The following TRDN variants were observed in gnomAD, a reference collection of about 807,000 sequenced individuals.
The protein encoded by TRDN is triadin in skeletal muscle.
A neutral mutation model predicts 149.7 loss-of-function variants in TRDN; 161 were observed. The observed-to-expected ratio is 1.08, with a 90% CI of 0.95 to 1.23. TRDN has a LOEUF of 1.23. Among genes scored for constraint, TRDN ranks in the 50% most tolerant of loss-of-function variants. The probability of loss-of-function intolerance (pLI) is 0.00; values close to 1 mark genes in which losing one functional copy is unlikely to be tolerated. For missense variants in TRDN, 896 were observed against 823.5 expected (o/e 1.09, Z -1.08); for synonymous variants, 294 against 250.5 (o/e 1.17, Z -1.64).
chr6:123,379,321 C>T (rs1048194927), intron 16 of TRDN, among the ~76,000 whole-genome samples: 1 of 152,066 alleles, frequency 6.6e-6, no homozygotes, highest in Non-Finnish European at 1.5e-5. Context: ...AGCCTTTAAG[C>T]AGCAAAACAA....
chr6:123,383,236 G>A (rs533649935), intron 14 of TRDN, among the ~76,000 whole-genome samples: 1 of 152,142 alleles, frequency 6.6e-6, no homozygotes, highest in South Asian at 2.1e-4. Flanking sequence ...ACAAAAGGCA[G>A]TTAGATGGTC....
chr6:123,352,813 ATC>A (rs1406372178), intron 20 of TRDN, among the ~76,000 whole-genome samples: 3 of 151,944 alleles, frequency 2.0e-5, no homozygotes, highest in African/African-American at 7.2e-5. Flanking sequence ...CTACAATTGT[ATC>A]TGTTTTATTC....
intron 1 of TRDN, among the ~76,000 whole-genome samples, chr6:123,628,002 T>A (rs898649548): frequency 6.6e-6 from 1 of 152,194 alleles, no homozygotes; most frequent in Non-Finnish European, 1.5e-5. Context: ...GCTGGTTGGA[T>A]CTTCTATCCA....
At chr6:123,287,434 T>C (rs545941888) in intron 24 of TRDN, among the ~76,000 whole-genome samples, 1 of 152,288 alleles carries the variant, frequency 6.6e-6, no homozygotes, top group African/African-American at 2.4e-5. Flanking sequence ...AAATTTAATC[T>C]TCCAGGTGTA....
chr6:123,467,087 A>G (rs4571590), intron 9 of TRDN, among the ~76,000 whole-genome samples: 135,434 of 152,088 alleles, frequency 0.89, 60,591 homozygotes, highest in East Asian at 1. Flanking sequence ...TACCAGCACC[A>G]AAGAATTATT....
intron 1 of TRDN, among the ~76,000 whole-genome samples, chr6:123,594,633 T>TA (rs1562414613): frequency 6.6e-6 from 1 of 151,746 alleles, no homozygotes. Context: ...AAATTCTGGT[T>TA]ATGTTTGTTA....
At chr6:123,340,632 T>A (rs750203190) in intron 21 of TRDN, among the ~76,000 whole-genome samples, 2 of 152,016 alleles carry the variant, frequency 1.3e-5, no homozygotes, top group Admixed American at 1.3e-4. Context: ...TCAAAAACTC[T>A]CTCTCTCTTT....
In TRDN at chr6:123,448,152, C is replaced by A. The variant is rs78812152; in HGVS notation, c.932-9149G>T. Among the ~76,000 whole-genome samples the A allele has an allele frequency of 3.4e-3, 517 of 152,210 alleles. 23 individuals are homozygous for A. The East Asian group carries it at 0.092, about 27-fold the overall frequency. On this transcript the variant is annotated intron_variant, in intron 10 of 40. Transcript: ENST00000334268. The stretch of plus-strand genomic sequence containing the variant: ...CACAGGGATTCATCAGGAGGGTGGT[C>A]AGAAGAGCAGGGGGTAAAACCACAG...
intron 1 of TRDN, among the ~76,000 whole-genome samples, chr6:123,588,185 G>C (rs535259009): frequency 1.3e-5 from 2 of 152,164 alleles, no homozygotes; most frequent in Non-Finnish European, 2.9e-5. Context: ...TAGATTTTCC[G>C]CAAGAGACAG....
At chr6:123,434,594 T>G (rs1774476164) in intron 12 of TRDN, among the ~76,000 whole-genome samples, 1 of 152,178 alleles carries the variant, frequency 6.6e-6, no homozygotes, top group African/African-American at 2.4e-5. Context: ...GTTCCCTGTA[T>G]AGAATGTCTT....
At chr6:123,585,582 G>A (rs1783432052) in intron 1 of TRDN, among the ~76,000 whole-genome samples, 1 of 152,186 alleles carries the variant, frequency 6.6e-6, no homozygotes, top group Non-Finnish European at 1.5e-5. Flanking sequence ...GAAGATCTGG[G>A]AAGGAGTCTG....
intron 21 of TRDN, among the ~76,000 whole-genome samples, chr6:123,338,834 T>C (rs1423677172): frequency 1.3e-5 from 2 of 152,272 alleles, no homozygotes; most frequent in Admixed American, 6.5e-5. Context: ...CTGTGAAAAG[T>C]ACTCCAGTAA....
rs138890043 is a variant in TRDN at position 123,330,946 on chromosome 6, A to C, written c.1471+933T>G. 2.5e-4 allele frequency among the ~76,000 whole-genome samples: 38 copies of C among 152,148 alleles called. No homozygotes were observed. In the East Asian group the frequency reaches 7.4e-3, roughly 29 times the overall value. On this transcript the variant is annotated intron_variant, in intron 23 of 40. Coordinates refer to ENST00000334268, the MANE Select transcript of TRDN (RefSeq NM_006073.4). ...TCAATAAAAAAATCCCAGTAAGATG[A>C]AAGTTGTACAGCTAAGTCCCTCTAC...
At chr6:123,258,483 G>A (rs1454884379) in intron 35 of TRDN, among the ~76,000 whole-genome samples, 1 of 152,176 alleles carries the variant, frequency 6.6e-6, no homozygotes, top group African/African-American at 2.4e-5. Context: ...CAGGGATGAA[G>A]CTGACTTGAT....
chr6:123,230,288 C>CA (rs1028328128), intron 38 of TRDN, among the ~76,000 whole-genome samples: 5 of 151,558 alleles, frequency 3.3e-5, no homozygotes, highest in Non-Finnish European at 7.4e-5. Flanking sequence ...ATCGCAGGGA[C>CA]AAAAAACCAA....
chr6:123,483,120 T>A (rs1317437396), intron 9 of TRDN, among the ~76,000 whole-genome samples: 3 of 126,958 alleles, frequency 2.4e-5, no homozygotes, highest in South Asian at 2.7e-4. Context: ...TATTATTATT[T>A]GAGACCGAGT....
At chr6:123,419,786 G>A (rs1170343542) in intron 12 of TRDN, among the ~76,000 whole-genome samples, 3 of 152,170 alleles carry the variant, frequency 2.0e-5, no homozygotes, top group African/African-American at 7.2e-5. Flanking sequence ...TTAACCTTGG[G>A]TGATACTACT....
chr6:123,537,397 AT>A (rs1157864152), intron 4 of TRDN, among the ~76,000 whole-genome samples: 6 of 152,190 alleles, frequency 3.9e-5, no homozygotes, highest in African/African-American at 1.4e-4. Flanking sequence ...ACAAGGATAG[AT>A]TTTAATGATC....
intron 4 of TRDN, among the ~76,000 whole-genome samples, chr6:123,537,117 G>A (rs1780590464): frequency 1.3e-5 from 2 of 151,986 alleles, no homozygotes; most frequent in African/African-American, 4.8e-5. Context: ...ATAATAAAAT[G>A]TTAATAAAAT....
Sources: gnomAD v4.1 joint callset for allele counts (sites outside exome capture counted in the v4.1 genomes callset) on GRCh38, gnomAD v4.1.1 for gene constraint, MANE v1.5 for transcripts, NCBI Gene and HGNC (gene_info 2026-07-23, HGNC 2026-07-21) for gene names.